Variants in WDR72 observed in about 807,000 individuals in gnomAD.
The protein encoded by WDR72 is WD repeat domain 72.
A neutral mutation model predicts 124.2 loss-of-function variants in WDR72; 120 were observed. The observed-to-expected ratio is 0.97, with a 90% CI of 0.83 to 1.12. The LOEUF (loss-of-function observed/expected upper bound fraction) is 1.12. Ranked by LOEUF, WDR72 falls within the 50% of genes most tolerant of loss-of-function variation. The pLI, the probability that WDR72 is intolerant of heterozygous loss-of-function variation, is 0.00. For synonymous variants in WDR72, 452 were observed against 441.7 expected (o/e 1.02, Z -0.29); for missense variants, 1,387 against 1,278.8 (o/e 1.08, Z -1.29).
chr15:53,586,336 T>C (rs532024240), intron 18 of WDR72, among the ~76,000 whole-genome samples: 20 of 152,076 alleles, frequency 1.3e-4, no homozygotes, highest in African/African-American at 1.9e-4. Context: ...TATTGGACTT[T>C]AAGGATAACA....
intron 18 of WDR72, among the ~76,000 whole-genome samples, chr15:53,576,730 A>AGAT (rs2011634540): frequency 6.6e-6 from 1 of 152,142 alleles, no homozygotes; most frequent in Admixed American, 6.6e-5. Flanking sequence ...GTGGATACTG[A>AGAT]GATGACTTGG....
intron 14 of WDR72, among the ~76,000 whole-genome samples, chr15:53,654,935 G>T (rs76775970): frequency 0.013 from 1,975 of 151,922 alleles, 33 homozygotes; most frequent in East Asian, 0.069. Flanking sequence ...ATAAAGATAC[G>T]CTTAAGAGAT....
At chr15:53,648,542 G>A (rs1188406269) in intron 14 of WDR72, among the ~76,000 whole-genome samples, 1 of 152,078 alleles carries the variant, frequency 6.6e-6, no homozygotes, top group Non-Finnish European at 1.5e-5. Flanking sequence ...AACTTAGCCA[G>A]AACTGGCTCA....
intron 14 of WDR72, among the ~76,000 whole-genome samples, chr15:53,623,524 C>CAT (rs930762337): frequency 2.4e-4 from 36 of 151,060 alleles, no homozygotes; most frequent in African/African-American, 8.7e-4. Context: ...TACACACACA[C>CAT]ATATATATCA....
intron 18 of WDR72, among the ~76,000 whole-genome samples, chr15:53,529,181 TAA>T (rs1194967219): frequency 1.5e-5 from 2 of 132,200 alleles, no homozygotes. Context: ...TTTTTTTTTT[TAA>T]AAGAATATAA....
intron 10 of WDR72, 62 bp from the exon 11 acceptor site, chr15:53,705,295 A>C: frequency 6.7e-7 from 1 of 1,488,394 alleles, no homozygotes; most frequent in Admixed American, 1.7e-5. Context: ...GACATGGAAA[A>C]TATCAAGGCA....
chr15:53,519,357 G>A (rs1891653261), intron 19 of WDR72, among the ~76,000 whole-genome samples: 3 of 152,024 alleles, frequency 2.0e-5, no homozygotes, highest in South Asian at 4.2e-4. Context: ...AGGCCTTAAA[G>A]AGCCAAAGAA....
At chr15:53,550,346 C>G (rs1013658602) in intron 18 of WDR72, among the ~76,000 whole-genome samples, 1 of 151,944 alleles carries the variant, frequency 6.6e-6, no homozygotes, top group Non-Finnish European at 1.5e-5. Flanking sequence ...CTTTTTTTAC[C>G]AAAAACAGAT....
intron 18 of WDR72, among the ~76,000 whole-genome samples, chr15:53,591,038 T>G (rs2140330411): frequency 6.6e-6 from 1 of 152,122 alleles, no homozygotes; most frequent in South Asian, 2.1e-4. Context: ...AGGGCATAAA[T>G]GGCTTCAGTG....
At chr15:53,577,590 T>A (rs1012252928) in intron 18 of WDR72, among the ~76,000 whole-genome samples, 1 of 152,164 alleles carries the variant, frequency 6.6e-6, no homozygotes, top group African/African-American at 2.4e-5. Flanking sequence ...AGCAGTGTAA[T>A]AAATTCCAGG....
intron 14 of WDR72, 88 bp downstream of exon 14, chr15:53,665,484 T>C: frequency 7.0e-7 from 1 of 1,437,700 alleles, no homozygotes; most frequent in Non-Finnish European, 9.8e-7. Context: ...TTCATGCTGA[T>C]ACTTAAGTGC....
intron 14 of WDR72, among the ~76,000 whole-genome samples, chr15:53,655,892 C>T (rs942482787): frequency 6.6e-5 from 10 of 152,138 alleles, no homozygotes; most frequent in Admixed American, 2.6e-4. Context: ...GGGGTTTCAC[C>T]ATGTTGGTCA....
At chr15:53,713,428 A>ATTTTATTTTG (rs1555427190) in intron 6 of WDR72, among the ~76,000 whole-genome samples, 2 of 98,462 alleles carry the variant, frequency 2.0e-5, no homozygotes, top group East Asian at 7.0e-4. Context: ...ATTTTATTTT[A>ATTTTATTTTG]TTTTATTTTA....
chr15:53,622,637 G>C (rs987519848), intron 14 of WDR72, among the ~76,000 whole-genome samples: 3 of 151,972 alleles, frequency 2.0e-5, no homozygotes, highest in African/African-American at 7.3e-5. Flanking sequence ...GAGGGAGCAG[G>C]GGGAGGGAGA....
intron 18 of WDR72, among the ~76,000 whole-genome samples, chr15:53,530,444 C>T (rs1385775982): frequency 6.6e-6 from 1 of 151,796 alleles, no homozygotes; most frequent in African/African-American, 2.4e-5. Flanking sequence ...TCTGCAAAGT[C>T]GTTTGTTTTC....
At chr15:53,548,497 A>T (rs73406229) in intron 18 of WDR72, among the ~76,000 whole-genome samples, 8,092 of 152,250 alleles carry the variant, frequency 0.053, 631 homozygotes, top group African/African-American at 0.17. Context: ...TTAGTTGCCA[A>T]AAGGAGAAAG....
At chr15:53,715,430 A>C (rs2017676004) in intron 4 of WDR72, 63 bp from the exon 5 acceptor site, 4 of 1,592,056 alleles carry the variant, frequency 2.5e-6, no homozygotes, top group Non-Finnish European at 2.6e-6. Flanking sequence ...ATTTGGCTAC[A>C]TTGAAGATTT....
chr15:53,675,903 T>C (rs1368079000), intron 13 of WDR72, among the ~76,000 whole-genome samples: 2 of 152,076 alleles, frequency 1.3e-5, no homozygotes, highest in African/African-American at 4.8e-5. Context: ...ATAGTAGAGA[T>C]GAGAGTACCA....
chr15:53,670,265 C>T (rs187782647), intron 13 of WDR72, among the ~76,000 whole-genome samples: 1 of 152,078 alleles, frequency 6.6e-6, no homozygotes, highest in Non-Finnish European at 1.5e-5. Context: ...TAGCTTAAAG[C>T]AATTAACATC....
Sources: gnomAD v4.1 joint callset for allele counts (sites outside exome capture counted in the v4.1 genomes callset) on GRCh38, gnomAD v4.1.1 for gene constraint, MANE v1.5 for transcripts, NCBI Gene and HGNC (gene_info 2026-07-23, HGNC 2026-07-21) for gene names.